Variants in ATP10D observed in about 807,000 individuals in gnomAD.
ATP10D encodes phospholipid-transporting ATPase VD.
Under a neutral mutation model 144.8 loss-of-function variants are expected in ATP10D, and 89 were observed. The observed-to-expected ratio is 0.61, with a 90% CI of 0.52 to 0.73. ATP10D has a LOEUF of 0.73. Ranked by LOEUF, ATP10D falls within the 30% of genes least tolerant of loss-of-function variation. ATP10D has a pLI of 0.00. For missense variants in ATP10D, 1,603 were observed against 1,714.8 expected (o/e 0.93, Z 1.15); for synonymous variants, 571 against 615.1 (o/e 0.93, Z 1.06).
intron 4 of ATP10D, among the ~76,000 whole-genome samples, chr4:47,524,898 A>G (rs1332935831): frequency 2.1e-4 from 31 of 148,408 alleles, no homozygotes; most frequent in South Asian, 4.5e-4. Context: ...ATTAATTATG[A>G]TATATCAATA....
intron 3 of ATP10D, among the ~76,000 whole-genome samples, chr4:47,520,550 C>T (rs1431425668): frequency 2.6e-5 from 4 of 152,004 alleles, no homozygotes; most frequent in Non-Finnish European, 5.9e-5. Context: ...TATTCTACTT[C>T]GGTAACTTCT....
chr4:47,561,527 C>CA (rs1441123485), intron 14 of ATP10D, among the ~76,000 whole-genome samples: 1 of 152,084 alleles, frequency 6.6e-6, no homozygotes, highest in Non-Finnish European at 1.5e-5. Flanking sequence ...GGTCACATGC[C>CA]AGTAGCTGAC....
intron 3 of ATP10D, among the ~76,000 whole-genome samples, chr4:47,516,752 G>C (rs755224186): frequency 6.6e-6 from 1 of 152,142 alleles, no homozygotes; most frequent in Non-Finnish European, 1.5e-5. Context: ...TGAGAAATTA[G>C]TTCTGTTTTT....
Position 47,512,537 on chromosome 4 carries a change from G to A in ATP10D, c.-4G>A, listed in dbSNP as rs529271087. On this transcript the variant is annotated 5_prime_UTR_variant, in exon 2 of 23. It introduces an in-frame stop codon into an upstream open reading frame of the 5' UTR. Coordinates refer to ENST00000273859, the MANE Select transcript of ATP10D (RefSeq NM_020453.4). ...CACAACCTGGATCTTACCACAGTTT[G>A]GATATGACTGAGGCTCTCCAATGGG... The A allele has an allele frequency of 6.2e-7, 1 of 1,609,010 alleles. No individual in the cohort carries two copies. Among genetic ancestry groups the A allele is most frequent in the South Asian group, 1.1e-5 (1 of 90,524 alleles).
chr4:47,494,136 C>T (rs1034969086), intron 1 of ATP10D, among the ~76,000 whole-genome samples: 1 of 152,084 alleles, frequency 6.6e-6, no homozygotes, highest in Non-Finnish European at 1.5e-5. Flanking sequence ...TTATTATTTG[C>T]TTCTTGGCAA....
rs200864587 is a variant in ATP10D, at chr4:47,535,523, A to G, written c.791A>G (p.Lys264Arg). 4.3e-6 allele frequency: 7 copies of G among 1,610,266 alleles called. No homozygotes were observed. In the African/African-American group the frequency reaches 5.3e-5, roughly 12 times the overall value. The change falls in exon 6 of 23, where the codon AAA becomes AGA. Residue 264 changes from lysine to arginine, a missense_variant. Physicochemically the swap from Lys to Arg is conservative, Grantham distance 26. Coordinates refer to ENST00000273859, the MANE Select transcript of ATP10D (RefSeq NM_020453.4). ...RFRGFLEHSN[K>R]ERVGLSKENL... is the part of the protein sequence containing the mutation. ...CTTTCTTATAGAGAACATTCCAACA[A>G]AGAACGCGTGGGTCTCAGTAAAGAA...
intron 22 of ATP10D, among the ~76,000 whole-genome samples, chr4:47,587,904 C>T (rs1160200614): frequency 6.6e-6 from 1 of 152,182 alleles, no homozygotes; most frequent in African/African-American, 2.4e-5. Flanking sequence ...AGCTGATCCT[C>T]AGCCCTGCTT....
chr4:47,591,176 T>C lies in ATP10D; in HGVS notation c.4076T>C (p.Val1359Ala). The C allele has an allele frequency of 1.2e-6, 2 of 1,613,554 alleles. No individual in the cohort carries two copies. Among genetic ancestry groups the C allele is most frequent in the Non-Finnish European group, 1.7e-6 (2 of 1,179,626 alleles). The change falls in exon 23 of 23, where the codon GTG (valine) becomes GCG (alanine). Residue 1359 changes from valine to alanine, a missense_variant. By Grantham distance (64) the Val-to-Ala change is moderately conservative. Coordinates refer to ENST00000273859, the MANE Select transcript of ATP10D (RefSeq NM_020453.4). ...KWRGAGKMNQ[V>A]TSKYANQSAG... ...AGAGGGGCTGGAAAGATGAATCAAG[T>C]GACATCAAAGTATGCTAACCAATCA...
intron 1 of ATP10D, among the ~76,000 whole-genome samples, chr4:47,509,831 C>T (rs1716216691): frequency 6.6e-6 from 1 of 151,976 alleles, no homozygotes; most frequent in South Asian, 2.1e-4. Flanking sequence ...GATCTTGAAA[C>T]TAATTCAATG....
At chr4:47,499,922 C>T (rs1715595623) in intron 1 of ATP10D, among the ~76,000 whole-genome samples, 1 of 152,164 alleles carries the variant, frequency 6.6e-6, no homozygotes, top group Non-Finnish European at 1.5e-5. Flanking sequence ...CATTTTAGGA[C>T]TACATGCTCT....
intron 1 of ATP10D, among the ~76,000 whole-genome samples, chr4:47,505,586 A>G (rs1003582234): frequency 2.6e-5 from 4 of 152,230 alleles, no homozygotes; most frequent in East Asian, 3.9e-4. Flanking sequence ...CAACAAAAAA[A>G]TTAGCTGGGC....
chr4:47,510,204 G>A (rs1198711748), intron 1 of ATP10D, among the ~76,000 whole-genome samples: 1 of 151,992 alleles, frequency 6.6e-6, no homozygotes, highest in Non-Finnish European at 1.5e-5. Flanking sequence ...TCTCTGTCTA[G>A]CTTAAATCTG....
intron 1 of ATP10D, among the ~76,000 whole-genome samples, chr4:47,497,500 G>A (rs1173424346): frequency 2.6e-5 from 4 of 151,958 alleles, no homozygotes; most frequent in Non-Finnish European, 5.9e-5. Context: ...AACTTGTTAG[G>A]GTGATACTGA....
intron 19 of ATP10D, 133 bp from the exon 20 acceptor site, chr4:47,580,265 C>T: frequency 4.0e-6 from 3 of 744,064 alleles, no homozygotes; most frequent in East Asian, 4.9e-5. Context: ...TTATCTTTAC[C>T]TCTGTTGACA....
chr4:47,494,336 G>A (rs540562074), intron 1 of ATP10D, among the ~76,000 whole-genome samples: 4 of 152,102 alleles, frequency 2.6e-5, no homozygotes, highest in Non-Finnish European at 5.9e-5. Context: ...AGTTTTCTTA[G>A]CGATCCTGCA....
chr4:47,544,311 AAG>A (rs1219284803), intron 9 of ATP10D, among the ~76,000 whole-genome samples: 1 of 152,220 alleles, frequency 6.6e-6, no homozygotes, highest in Non-Finnish European at 1.5e-5. Flanking sequence ...TGGTATGAGT[AAG>A]AGTCAGTATA....
At chr4:47,558,436 T>A (rs1157761809) in intron 12 of ATP10D, among the ~76,000 whole-genome samples, 163 bp downstream of exon 12, 5 of 152,122 alleles carry the variant, frequency 3.3e-5, no homozygotes, top group Admixed American at 6.5e-5. Context: ...AGCAAGTAAG[T>A]TTTGGGGCTA....
chr4:47,561,528 A>T (rs1252036613), intron 14 of ATP10D, among the ~76,000 whole-genome samples: 4 of 152,164 alleles, frequency 2.6e-5, no homozygotes, highest in African/African-American at 7.2e-5. Context: ...GTCACATGCC[A>T]GTAGCTGACA....
Position 47,558,279 on chromosome 4 carries a change from T to C in ATP10D, c.2434+6T>C. ...ACTGTCGGTGGCTTCCCCAGGTAAGTTTATACAAAAGTGAAATAGTAGTGA... is the reference window on the plus strand; with the variant it reads ...ACTGTCGGTGGCTTCCCCAGGTAAGCTTATACAAAAGTGAAATAGTAGTGA... On this transcript the variant is annotated splice_donor_region_variant and intron_variant, in intron 12 of 22. Coordinates refer to ENST00000273859, the MANE Select transcript of ATP10D (RefSeq NM_020453.4). 6.2e-7 allele frequency: 1 copy of C among 1,609,448 alleles called. No individual in the cohort carries two copies. Among genetic ancestry groups the C allele is most frequent in the Non-Finnish European group, 8.5e-7 (1 of 1,176,674 alleles).
Sources: allele counts gnomAD v4.1 joint callset (sites outside exome capture counted in the v4.1 genomes callset), GRCh38; gene constraint gnomAD v4.1.1; transcripts MANE v1.5; gene names NCBI Gene and HGNC (gene_info 2026-07-23, HGNC 2026-07-21).